VWA3B: variants seen among roughly 807,000 people sequenced by gnomAD.
VWA3B encodes the protein von Willebrand factor A domain containing 3B.
Under a neutral mutation model 158.3 loss-of-function variants are expected in VWA3B, and 138 were observed. The ratio of observed to expected loss-of-function variants is 0.87; its 90% CI spans 0.76 to 1.00. The LOEUF (loss-of-function observed/expected upper bound fraction) is 1.00. Ranked by LOEUF, VWA3B falls within the 50% of genes least tolerant of loss-of-function variation. The pLI is 0.00. For synonymous variants in VWA3B, 596 were observed against 587.3 expected (o/e 1.01, Z -0.21); for missense variants, 1,555 against 1,565.1 (o/e 0.99, Z 0.11).
chr2:98,095,991 T>C (rs1375146616), intron 2 of VWA3B, among the ~76,000 whole-genome samples: 2 of 152,230 alleles, frequency 1.3e-5, no homozygotes, highest in Non-Finnish European at 2.9e-5. Context: ...TGGTGAATGA[T>C]CTTTTTAATG....
chr2:98,325,167 A>G, the VWA3B span, among the ~76,000 whole-genome samples: 1 of 152,226 alleles, frequency 6.6e-6, no homozygotes, highest in Non-Finnish European at 1.5e-5. Context: ...ATGTAAATTT[A>G]TAGATCCAAG....
rs193063384 is a variant in VWA3B at position 98,153,098 on chromosome 2, C to G, written c.989-9753C>G. 6.5e-3 allele frequency among the ~76,000 whole-genome samples: 989 copies of G among 152,324 alleles called. 7 individuals carry two copies. Among genetic ancestry groups the G allele is most frequent in the South Asian group, 0.011 (51 of 4,826 alleles). ...AATCTGTCCATCATTGCTCTCGTCT[C>G]TAGCCTGTACTCACCTGGCTTCATC... On this transcript the variant is annotated intron_variant, in intron 7 of 27. Transcript: ENST00000477737.
At chr2:98,121,720 C>T (rs1025338097) in intron 5 of VWA3B, among the ~76,000 whole-genome samples, 6 of 152,052 alleles carry the variant, frequency 3.9e-5, no homozygotes, top group Non-Finnish European at 8.8e-5. Flanking sequence ...TAGCCAGTGT[C>T]GGGAGAGCCG....
At chr2:98,182,025 T>G (rs1245963713) in intron 9 of VWA3B, among the ~76,000 whole-genome samples, 1 of 152,222 alleles carries the variant, frequency 6.6e-6, no homozygotes. Flanking sequence ...AAAATGAACA[T>G]GGCAGATTTG....
At chr2:98,202,081 G>A (rs1682593924) in intron 12 of VWA3B, among the ~76,000 whole-genome samples, 1 of 152,100 alleles carries the variant, frequency 6.6e-6, no homozygotes, top group South Asian at 2.1e-4. Context: ...AGGTTGTACA[G>A]AATTGATATG....
the VWA3B span, among the ~76,000 whole-genome samples, chr2:98,322,751 A>G: frequency 9.7e-4 from 147 of 152,312 alleles, 1 homozygote; most frequent in Non-Finnish European, 1.8e-3. Flanking sequence ...GGGAACCACT[A>G]AAAGAGTGAG....
chr2:98,313,813 ATATACAATGCTAGTTGCATTGGTGT>A (rs1691029157), downstream of VWA3B, among the ~76,000 whole-genome samples: 1 of 152,264 alleles, frequency 6.6e-6, no homozygotes, highest in African/African-American at 2.4e-5. Context: ...CAGGGCAAAT[ATATACAATGCTAGTTGCATTGGTGT>A]TACATTGCAG....
downstream of VWA3B, among the ~76,000 whole-genome samples, chr2:98,315,333 GATA>G (rs1028897940): frequency 5.3e-5 from 8 of 152,168 alleles, no homozygotes; most frequent in African/African-American, 1.4e-4. Context: ...TAATAGTGAT[GATA>G]ATAATAATAC....
chr2:98,222,973 A>G (rs549272007), intron 14 of VWA3B, among the ~76,000 whole-genome samples: 1 of 152,362 alleles, frequency 6.6e-6, no homozygotes, highest in Admixed American at 6.5e-5. Flanking sequence ...CCCCAATTTG[A>G]ATGAGAAATG....
chr2:98,106,136 C>A (rs182598739), intron 2 of VWA3B, among the ~76,000 whole-genome samples: 19 of 152,186 alleles, frequency 1.2e-4, no homozygotes, highest in Middle Eastern at 3.4e-3. Context: ...AGTATGGTCT[C>A]GATCTCCTGA....
intron 1 of VWA3B, among the ~76,000 whole-genome samples, chr2:98,092,816 GTATA>G (rs70940110): frequency 0.088 from 4,485 of 51,122 alleles, 146 homozygotes; most frequent in Middle Eastern, 0.15. Context: ...AGATGTTTTT[GTATA>G]TATATATATA....
chr2:98,285,492 AGTTT>A (rs995751247), intron 22 of VWA3B, among the ~76,000 whole-genome samples: 22 of 152,054 alleles, frequency 1.4e-4, no homozygotes, highest in African/African-American at 5.1e-4. Context: ...TCAGATGGTA[AGTTT>A]GTTTAATTTT....
intron 8 of VWA3B, among the ~76,000 whole-genome samples, chr2:98,164,710 A>G (rs1370700939): frequency 6.6e-6 from 1 of 152,184 alleles, no homozygotes; most frequent in African/African-American, 2.4e-5. Context: ...ATTAGCACCT[A>G]CCCTATTCTG....
chr2:98,208,220 C>T lies in VWA3B; in HGVS notation c.1738-3710C>T, dbSNP rs1683181771. On this transcript the variant is annotated intron_variant, in intron 12 of 27. Coordinates refer to ENST00000477737, the MANE Select transcript of VWA3B (RefSeq NM_144992.5). ...TAAATATTTGCGTAATACGTTTTTT[C>T]CATCCTTTTACCTTTAACCTATCTA... Among the ~76,000 whole-genome samples the T allele has an allele frequency of 2.0e-5, 3 of 151,858 alleles. No homozygotes were observed. In the South Asian group the frequency reaches 6.3e-4, roughly 32 times the overall value.
intron 2 of VWA3B, among the ~76,000 whole-genome samples, chr2:98,098,556 G>C (rs1682870173): frequency 6.6e-6 from 1 of 151,916 alleles, no homozygotes; most frequent in Admixed American, 6.5e-5. Context: ...GTTTCTATTT[G>C]TAAGGAATAT....
chr2:98,162,127 A>G (rs1320032637), intron 7 of VWA3B, among the ~76,000 whole-genome samples: 2 of 152,140 alleles, frequency 1.3e-5, no homozygotes, highest in African/African-American at 4.8e-5. Flanking sequence ...GCACCTCTGC[A>G]TGGCACACCA....
chr2:98,193,779 G>A (rs1164936899), intron 11 of VWA3B, among the ~76,000 whole-genome samples: 1 of 151,712 alleles, frequency 6.6e-6, no homozygotes, highest in Non-Finnish European at 1.5e-5. Flanking sequence ...TAGTAGAGAC[G>A]GGGTTTCACC....
rs565669109 is a variant in VWA3B at position 98,157,433 on chromosome 2, T to C, written c.989-5418T>C. On this transcript the variant is annotated intron_variant, in intron 7 of 27. Coordinates refer to ENST00000477737, the MANE Select transcript of VWA3B (RefSeq NM_144992.5). Reference sequence around the variant, plus strand: ...CTCAACAACAAAACATCTTAACATATAATATAATAGAAATAACTGGGAATT... The same window carrying C: ...CTCAACAACAAAACATCTTAACATACAATATAATAGAAATAACTGGGAATT... Among the ~76,000 whole-genome samples, 67 of 152,262 alleles carry C rather than the reference T, an allele frequency of 4.4e-4. No individual in the cohort carries two copies. In the South Asian group the frequency reaches 0.014, roughly 31 times the overall value.
intron 12 of VWA3B, among the ~76,000 whole-genome samples, chr2:98,209,785 G>C (rs1376375261): frequency 6.6e-6 from 1 of 152,194 alleles, no homozygotes. Flanking sequence ...GGTATAATGA[G>C]TGATTTTTAA....
Sources: gnomAD v4.1 joint callset for allele counts (sites outside exome capture counted in the v4.1 genomes callset) on GRCh38, gnomAD v4.1.1 for gene constraint, MANE v1.5 for transcripts, NCBI Gene and HGNC (gene_info 2026-07-23, HGNC 2026-07-21) for gene names.